Variants in CDK5RAP2 observed in about 807,000 individuals in gnomAD.
CDK5RAP2 encodes CDK5 regulatory subunit associated protein 2, also known as CDK5 regulatory subunit-associated protein 2.
Under a neutral mutation model 232.9 loss-of-function variants are expected in CDK5RAP2, and 147 were observed. The ratio of observed to expected loss-of-function variants is 0.63; its 90% confidence interval spans 0.55 to 0.72. CDK5RAP2 has a LOEUF of 0.72. Among genes scored for constraint, CDK5RAP2 ranks in the 30% least tolerant of loss-of-function variants. The pLI, the probability that CDK5RAP2 is intolerant of heterozygous loss-of-function variation, is 0.00. For synonymous variants in CDK5RAP2, 833 were observed against 833.7 expected (o/e 1.00, Z 0.01); for missense variants, 2,195 against 2,231.5 (o/e 0.98, Z 0.33).
chr9:120,487,508 CCTT>C (rs1326486420), intron 13 of CDK5RAP2, 71 bp from the exon 14 acceptor site: 1 of 1,193,824 alleles, frequency 8.4e-7, no homozygotes. Flanking sequence ...GTCCCAAACT[CCTT>C]AAGGAAAAAT....
rs2042019063 is a variant in CDK5RAP2 at position 120,550,890 on chromosome 9, A to G, written c.208T>C (p.Leu70=). 1 of 1,606,124 alleles carries G rather than the reference A, an allele frequency of 6.2e-7. No homozygotes were observed. The highest frequency in any genetic ancestry group is 2.2e-5 in the East Asian group (1 of 44,800). The change falls in exon 4 of 38, where the codon TTG becomes CTG. Residue 70 remains leucine, a synonymous_variant. Transcript: ENST00000349780. ...MKDFENQITE[L]KKENFNLKLR... ...TTTAGGTTAAAGTTTTCTTTCTTCA[A>G]TTCAGTGATTTGCTGAAAAATATCA...
chr9:120,402,019 T>C (rs1244702439), intron 34 of CDK5RAP2, among the ~76,000 whole-genome samples: 1 of 151,742 alleles, frequency 6.6e-6, no homozygotes, highest in Non-Finnish European at 1.5e-5. Flanking sequence ...CTGCCAGGCA[T>C]GATAGCTGAC....
chr9:120,436,172 C>T (rs1424711345), intron 25 of CDK5RAP2, among the ~76,000 whole-genome samples: 4 of 152,156 alleles, frequency 2.6e-5, no homozygotes, highest in South Asian at 2.1e-4. Context: ...TAAGAAAACA[C>T]CATAAGAACA....
At chr9:120,464,030 G>A (rs1034954794) in intron 18 of CDK5RAP2, among the ~76,000 whole-genome samples, 3 of 152,152 alleles carry the variant, frequency 2.0e-5, no homozygotes, top group Admixed American at 6.5e-5. Flanking sequence ...TCTATCCCCT[G>A]CAAGCTGGCT....
At chr9:120,418,536 A>G (rs954464105) in intron 27 of CDK5RAP2, among the ~76,000 whole-genome samples, 9 of 152,182 alleles carry the variant, frequency 5.9e-5, no homozygotes, top group Middle Eastern at 3.2e-3. Context: ...TGAGTTACAC[A>G]CTGAATGGAT....
chr9:120,469,371 C>T (rs537595217), intron 17 of CDK5RAP2, among the ~76,000 whole-genome samples: 63 of 152,320 alleles, frequency 4.1e-4, no homozygotes, highest in Non-Finnish European at 7.9e-4. Context: ...CCTTGTACAG[C>T]TGCCCATACA....
rs775386363 is a variant in CDK5RAP2, at chr9:120,402,810, G to T, written c.5303C>A (p.Thr1768Lys). Reference sequence around the variant, plus strand: ...CCAGCTCTGTGGTCAGGTTACCTTTGTTCCCAGCTCTTGACTTGTGGAGCT... The same window carrying T: ...CCAGCTCTGTGGTCAGGTTACCTTTTTTCCCAGCTCTTGACTTGTGGAGCT... The part of the protein sequence containing the change: ...APSSTSQELG[T>K]KGPHPAPLSK... Residue 1768 changes from threonine (T) to lysine (K), a missense_variant, in exon 34 of 38, where the codon ACA becomes AAA. By Grantham distance (78) the Thr-to-Lys change is moderately conservative. Transcript: ENST00000349780. The T allele has an allele frequency of 6.2e-7, 1 of 1,613,956 alleles. No individual in the cohort carries two copies. Among genetic ancestry groups the T allele is most frequent in the African/African-American group, 1.3e-5 (1 of 75,032 alleles).
chr9:120,568,488 T>C (rs532024441), intron 2 of CDK5RAP2, 100 bp from the exon 3 acceptor site: 15 of 856,172 alleles, frequency 1.8e-5, no homozygotes, highest in East Asian at 1.4e-4. Context: ...ACGAACTGCT[T>C]CCACAGTACA....
At chr9:120,494,535 T>C (rs1407243916) in intron 12 of CDK5RAP2, among the ~76,000 whole-genome samples, 1 of 152,060 alleles carries the variant, frequency 6.6e-6, no homozygotes, top group African/African-American at 2.4e-5. Context: ...AACAATAAAA[T>C]AAATAATGAT....
chr9:120,409,433 G>A, intron 29 of CDK5RAP2, 117 bp from the exon 30 acceptor site: 4 of 817,776 alleles, frequency 4.9e-6, no homozygotes, highest in Non-Finnish European at 7.9e-6. Context: ...TGGCATTTAT[G>A]ATTTTGGCAT....
At chr9:120,549,907 G>C (rs551223101) in intron 4 of CDK5RAP2, among the ~76,000 whole-genome samples, 42 of 152,302 alleles carry the variant, frequency 2.8e-4, no homozygotes, top group African/African-American at 8.7e-4. Flanking sequence ...AAAAGGCTCA[G>C]AAGTACAGCA....
At chr9:120,451,905 C>G (rs2036499658) in intron 21 of CDK5RAP2, among the ~76,000 whole-genome samples, 1 of 148,284 alleles carries the variant, frequency 6.7e-6, no homozygotes, top group Non-Finnish European at 1.5e-5. Flanking sequence ...CAGAGAGTAT[C>G]TAGCACAATC....
chr9:120,450,004 T>A (rs541514211), intron 21 of CDK5RAP2, among the ~76,000 whole-genome samples: 3 of 152,260 alleles, frequency 2.0e-5, no homozygotes, highest in African/African-American at 7.2e-5. Context: ...ACCCATCAAT[T>A]CTACTCCTAG....
At position 120,403,574 on chromosome 9, in the gene CDK5RAP2, A is replaced by C; in HGVS notation, c.5041+462T>G. On this transcript the variant is annotated intron_variant, in intron 33 of 37. Coordinates refer to ENST00000349780, the MANE Select transcript of CDK5RAP2 (RefSeq NM_018249.6). This position sits in a 1 kb window ranked among gnomAD's most constrained non-coding sequence, Gnocchi z 4.2. ...TCATTCTGACCAAGGACAGCAGCAA[A>C]GGCATGTCACAGAGAAATGTGTATT... 1 of 277,740 alleles carries C rather than the reference A, an allele frequency of 3.6e-6. No individual in the cohort carries two copies. Among genetic ancestry groups the C allele is most frequent in the South Asian group, 4.1e-5 (1 of 24,466 alleles). 17.2% of individuals were successfully genotyped at this position (277,740 alleles called of 1,614,324 possible). A position where few individuals can be genotyped will look rare whatever the true frequency, so the allele number is the denominator to read the frequency against.
At chr9:120,537,210 C>G (rs750676623) in intron 6 of CDK5RAP2, among the ~76,000 whole-genome samples, 108 of 152,312 alleles carry the variant, frequency 7.1e-4, no homozygotes, top group Non-Finnish European at 1.3e-3. Flanking sequence ...CTCCCACATA[C>G]TTGCTGTGTG....
At chr9:120,505,524 A>G (rs1017838751) in intron 12 of CDK5RAP2, among the ~76,000 whole-genome samples, 3 of 152,226 alleles carry the variant, frequency 2.0e-5, no homozygotes, top group Non-Finnish European at 4.4e-5. Flanking sequence ...TTTTAAATCA[A>G]AAGCTAGAAA....
chr9:120,413,819 AG>A (rs2034015685), intron 28 of CDK5RAP2, among the ~76,000 whole-genome samples: 1 of 106,766 alleles, frequency 9.4e-6, no homozygotes, highest in African/African-American at 3.7e-5. Context: ...AGGAGGGAGG[AG>A]GGAGGAGGGA....
Position 120,411,304 on chromosome 9 carries a change from A to G in CDK5RAP2, c.4414+54T>C, listed in dbSNP as rs981600800. On this transcript the variant is annotated intron_variant, in intron 29 of 37. Coordinates refer to ENST00000349780, the MANE Select transcript of CDK5RAP2 (RefSeq NM_018249.6). ...AGACTCCAATGCCTGCATTCTTTCC[A>G]TGACACAGAAGGCTTTGGCGTTCCA... 6.4e-5 allele frequency: 69 copies of G among 1,083,328 alleles called. No individual in the cohort carries two copies. The Middle Eastern group carries it at 7.9e-4, about 12-fold the overall frequency. 67.1% of individuals were successfully genotyped at this position (1,083,328 alleles called of 1,614,324 possible).
chr9:120,520,264 G>A (rs139706512), intron 11 of CDK5RAP2, among the ~76,000 whole-genome samples: 21 of 152,258 alleles, frequency 1.4e-4, no homozygotes, highest in South Asian at 1.2e-3. Context: ...CACATCCTTC[G>A]TCAGGCACAG....
Sources: gnomAD v4.1 joint callset for allele counts (sites outside exome capture counted in the v4.1 genomes callset) on GRCh38, gnomAD v4.1.1 for gene constraint, Gnocchi (gnomAD v3.1) non-coding constraint, MANE v1.5 for transcripts, NCBI Gene and HGNC (gene_info 2026-07-23, HGNC 2026-07-21) for gene names.